LELP1: variants seen among roughly 807,000 people sequenced by gnomAD.
The protein encoded by LELP1 is late cornified envelope-like proline-rich protein 1.
In LELP1, 1 loss-of-function variant was observed where a neutral mutation model predicts 0.3. The ratio of observed to expected loss-of-function variants is 2.87; its 90% CI spans 1.02 to 13.63. The LOEUF is 13.63. Ranked by LOEUF, LELP1 falls within the 30% of genes most tolerant of loss-of-function variation. The pLI is 0.12. For synonymous variants in LELP1, 57 were observed against 45.9 expected, an observed-to-expected ratio of 1.24 and a Z score of -0.97; for missense variants, 122 against 118.7, an observed-to-expected ratio of 1.03 and a Z score of -0.13.
rs183085641 is a variant in LELP1 at position 153,204,847 on chromosome 1, G to A, written c.140G>A (p.Cys47Tyr). 6.2e-7 allele frequency: 1 copy of A among 1,614,016 alleles called. No individual in the cohort carries two copies. Among genetic ancestry groups the A allele is most frequent in the Admixed American group, 1.7e-5 (1 of 60,018 alleles). ...KKLLQRCFEKCPWEKCPAPPK... is the reference protein window; with the variant it reads ...KKLLQRCFEKYPWEKCPAPPK... The stretch of plus-strand genomic sequence containing the variant: ...CTGCTGCAACGCTGTTTCGAAAAGT[G>A]CCCATGGGAAAAGTGTCCAGCACCA... The change falls in exon 2 of 2, where the codon TGC (cysteine) becomes TAC (tyrosine). Residue 47 changes from cysteine (C) to tyrosine (Y), a missense_variant. By Grantham distance (194) the Cys-to-Tyr change is radical. Transcript: ENST00000368747.
chr1:153,204,590 T>A (rs1657711497), intron 1 of LELP1, 97 bp from the exon 2 acceptor site: 1 of 835,816 alleles, frequency 1.2e-6, no homozygotes. Flanking sequence ...AGAGCCTGAA[T>A]GCATCTCAGG....
Position 153,205,066 on chromosome 1 carries a change from G to T in LELP1, c.*62G>T. 1 of 1,297,930 alleles carries T rather than the reference G, an allele frequency of 7.7e-7. No homozygotes were observed. The highest frequency in any genetic ancestry group is 2.4e-5 in the East Asian group (1 of 41,394). The allele number at this position is 1,297,930 out of a possible 1,614,324, so 80.4% of individuals were successfully genotyped here. ...CACCTCCACCATGTACAACGCTGTG[G>T]GGCTGGAGACTGAAACCATGAACTG... On this transcript the variant is annotated 3_prime_UTR_variant, in exon 2 of 2. Coordinates refer to ENST00000368747, the MANE Select transcript of LELP1 (RefSeq NM_001010857.3).
In LELP1 at chr1:153,204,701, A is replaced by G; in HGVS notation, c.-7A>G. The G allele has an allele frequency of 6.2e-7, 1 of 1,612,242 alleles. No individual in the cohort carries two copies. The highest frequency in any genetic ancestry group is 8.5e-7 in the Non-Finnish European group (1 of 1,178,484). The stretch of plus-strand genomic sequence containing the variant: ...TTTCTTTGCAGGGCTCAGATAATCA[A>G]GAAACAATGTCGAGTGATGATAAAA... On this transcript the variant is annotated 5_prime_UTR_variant, in exon 2 of 2. Coordinates refer to ENST00000368747, the MANE Select transcript of LELP1 (RefSeq NM_001010857.3).
In LELP1 at chr1:153,204,843, A is replaced by C. The variant is rs1209858731; in HGVS notation, c.136A>C (p.Lys46Gln). Residue 46 changes from lysine (K) to glutamine (Q), a missense_variant, in exon 2 of 2, where the codon AAG (lysine) becomes CAG (glutamine). Coordinates refer to ENST00000368747, the MANE Select transcript of LELP1 (RefSeq NM_001010857.3). ...LKKLLQRCFE[K>Q]CPWEKCPAPP... ...GAAGCTGCTGCAACGCTGTTTCGAAAAGTGCCCATGGGAAAAGTGTCCAGC... is the reference window on the plus strand; with the variant it reads ...GAAGCTGCTGCAACGCTGTTTCGAACAGTGCCCATGGGAAAAGTGTCCAGC... 1 of 1,613,892 alleles carries C rather than the reference A, an allele frequency of 6.2e-7. No homozygotes were observed. The highest frequency in any genetic ancestry group is 8.5e-7 in the Non-Finnish European group (1 of 1,180,038).
At position 153,204,706 on chromosome 1, in the gene LELP1, C is replaced by A. The variant is rs374185066; in HGVS notation, c.-2C>A. ...TTGCAGGGCTCAGATAATCAAGAAA[C>A]AATGTCGAGTGATGATAAAAGTAAA... On this transcript the variant is annotated 5_prime_UTR_variant, in exon 2 of 2. Transcript: ENST00000368747. The A allele has an allele frequency of 1.7e-5, 28 of 1,612,470 alleles. No individual in the cohort carries two copies. Among genetic ancestry groups the A allele is most frequent in the African/African-American group, 2.7e-5 (2 of 74,796 alleles).
At position 153,205,045 on chromosome 1, in the gene LELP1, T is replaced by C; in HGVS notation, c.*41T>C. The C allele has an allele frequency of 6.8e-7, 1 of 1,471,690 alleles. No individual in the cohort carries two copies. Among genetic ancestry groups the C allele is most frequent in the Non-Finnish European group, 9.5e-7 (1 of 1,056,890 alleles). The allele number at this position is 1,471,690 out of a possible 1,614,324, so 91.2% of individuals were successfully genotyped here. ...ACCCAACCCCACCACCACTGCCACC[T>C]CCACCATGTACAACGCTGTGGGGCT... On this transcript the variant is annotated 3_prime_UTR_variant, in exon 2 of 2. Coordinates refer to ENST00000368747, the MANE Select transcript of LELP1 (RefSeq NM_001010857.3).
At chr1:153,203,832 T>C (rs1657699951) in intron 1 of LELP1, among the ~76,000 whole-genome samples, 1 of 152,328 alleles carries the variant, frequency 6.6e-6, no homozygotes, top group South Asian at 2.1e-4. Context: ...TAGATCCAAC[T>C]TGAAGTATTG....
At chr1:153,203,552 T>C (rs1657695313) in intron 1 of LELP1, 21 bp downstream of exon 1, 1 of 152,088 alleles carries the variant, frequency 6.6e-6, no homozygotes, top group Non-Finnish European at 1.5e-5. Flanking sequence ...TTTGGACAGG[T>C]GGAAGTGGCC....
Position 153,204,695 on chromosome 1 carries a change from T to C in LELP1, c.-13T>C, listed in dbSNP as rs748517407. 1 of 1,611,204 alleles carries C rather than the reference T, an allele frequency of 6.2e-7. No homozygotes were observed. The highest frequency in any genetic ancestry group is 8.5e-7 in the Non-Finnish European group (1 of 1,177,658). ...CTCATATTTCTTTGCAGGGCTCAGA[T>C]AATCAAGAAACAATGTCGAGTGATG... On this transcript the variant is annotated 5_prime_UTR_variant, in exon 2 of 2. Coordinates refer to ENST00000368747, the MANE Select transcript of LELP1 (RefSeq NM_001010857.3).
rs557520815 is a variant in LELP1 at position 153,204,936 on chromosome 1, C to T, written c.229C>T (p.Pro77Ser). The T allele has an allele frequency of 1.2e-6, 2 of 1,613,950 alleles. No individual in the cohort carries two copies. The highest frequency in any genetic ancestry group is 2.2e-5 in the South Asian group (2 of 91,080). The change falls in exon 2 of 2, where the codon CCC (proline) becomes TCC (serine). Residue 77 changes from proline to serine, a missense_variant. Physicochemically the swap from Pro to Ser is moderately conservative, Grantham distance 74. Transcript: ENST00000368747. The part of the protein sequence containing the change: ...SSCPPQPCTK[P>S]CPPKCPSSCP... The stretch of plus-strand genomic sequence containing the variant: ...CTGCCCTCCCCAGCCCTGCACCAAG[C>T]CCTGTCCTCCTAAATGCCCTTCATC...
intron 1 of LELP1, among the ~76,000 whole-genome samples, chr1:153,203,957 T>C (rs1005210759): frequency 6.6e-6 from 1 of 152,108 alleles, no homozygotes; most frequent in African/African-American, 2.4e-5. Flanking sequence ...AAAATCACAT[T>C]TTGTGGCTCT....
At chr1:153,203,997 T>A (rs1291629022) in intron 1 of LELP1, among the ~76,000 whole-genome samples, 1 of 152,164 alleles carries the variant, frequency 6.6e-6, no homozygotes, top group Non-Finnish European at 1.5e-5. Context: ...AAATTGGAAT[T>A]TCGTGGTTCA....
At chr1:153,203,920 A>T (rs1657701639) in intron 1 of LELP1, among the ~76,000 whole-genome samples, 1 of 152,224 alleles carries the variant, frequency 6.6e-6, no homozygotes, top group African/African-American at 2.4e-5. Flanking sequence ...GCAAAACTCA[A>T]CAGGAGAGAA....
At position 153,204,959 on chromosome 1, in the gene LELP1, A is replaced by T. The variant is rs773938939; in HGVS notation, c.252A>T (p.Ser84=). The part of the protein sequence containing the change: ...CTKPCPPKCP[S]SCPHACPPPC... ...AGCCCTGTCCTCCTAAATGCCCTTC[A>T]TCCTGCCCACATGCTTGCCCACCTC... The change falls in exon 2 of 2, where the codon TCA becomes TCT. Residue 84 remains serine, a synonymous_variant. Transcript: ENST00000368747. The T allele has an allele frequency of 3.7e-6, 6 of 1,613,886 alleles. No homozygotes were observed. Among genetic ancestry groups the T allele is most frequent in the Non-Finnish European group, 5.1e-6 (6 of 1,179,910 alleles).
At chr1:153,204,599 G>A (rs1657711764) in intron 1 of LELP1, 88 bp from the exon 2 acceptor site, 4 of 956,678 alleles carry the variant, frequency 4.2e-6, no homozygotes, top group Non-Finnish European at 4.9e-6. Context: ...ATGCATCTCA[G>A]GGAAGACTTT....
At chr1:153,204,666 G>A in intron 1 of LELP1, 21 bp from the exon 2 acceptor site, 1 of 1,557,786 alleles carries the variant, frequency 6.4e-7, no homozygotes, top group Non-Finnish European at 8.8e-7. Flanking sequence ...CACCTACAAT[G>A]CATCTCATAT....
chr1:153,204,852 T>A lies in LELP1; in HGVS notation c.145T>A (p.Trp49Arg). The change falls in exon 2 of 2, where the codon TGG (tryptophan) becomes AGG (arginine). Residue 49 changes from tryptophan to arginine, a missense_variant. By Grantham distance (101) the Trp-to-Arg change is moderately radical. Transcript: ENST00000368747. ...LLQRCFEKCP[W>R]EKCPAPPKCL... ...GCAACGCTGTTTCGAAAAGTGCCCATGGGAAAAGTGTCCAGCACCACCCAA... is the reference window on the plus strand; with the variant it reads ...GCAACGCTGTTTCGAAAAGTGCCCAAGGGAAAAGTGTCCAGCACCACCCAA... 1 of 1,614,006 alleles carries A rather than the reference T, an allele frequency of 6.2e-7. No individual in the cohort carries two copies. Among genetic ancestry groups the A allele is most frequent in the Non-Finnish European group, 8.5e-7 (1 of 1,180,024 alleles).
intron 1 of LELP1, 88 bp downstream of exon 1, chr1:153,203,619 G>A (rs1013808427): frequency 6.6e-6 from 1 of 152,108 alleles, no homozygotes; most frequent in Non-Finnish European, 1.5e-5. Context: ...CACTGAGCAG[G>A]GTTGGGAAAG....
In LELP1 at chr1:153,204,858, A is replaced by T; in HGVS notation, c.151A>T (p.Lys51Ter). 1.2e-6 allele frequency: 2 copies of T among 1,614,118 alleles called. No homozygotes were observed. Among genetic ancestry groups the T allele is most frequent in the Non-Finnish European group, 1.7e-6 (2 of 1,180,016 alleles). Residue 51 changes from lysine (K) to a stop codon, truncating the protein, a stop_gained, in exon 2 of 2, where the codon AAG becomes TAG. Coordinates refer to ENST00000368747, the MANE Select transcript of LELP1 (RefSeq NM_001010857.3). LOFTEE classifies it low-confidence loss of function (END_TRUNC). ...QRCFEKCPWE[K>*]CPAPPKCLPC... The stretch of plus-strand genomic sequence containing the variant: ...CTGTTTCGAAAAGTGCCCATGGGAA[A>T]AGTGTCCAGCACCACCCAAGTGCCT...
Sources: gnomAD v4.1 joint callset for allele counts (sites outside exome capture counted in the v4.1 genomes callset) on GRCh38, gnomAD v4.1.1 for gene constraint, MANE v1.5 for transcripts, NCBI Gene and HGNC (gene_info 2026-07-23, HGNC 2026-07-21) for gene names.